The following CPNE4 variants were observed in gnomAD, a reference collection of about 807,000 sequenced individuals.
The protein encoded by CPNE4 is copine-4.
A neutral mutation model predicts 67.9 loss-of-function variants in CPNE4; 25 were observed. The observed-to-expected ratio is 0.37, with a 90% CI of 0.27 to 0.51. The LOEUF (loss-of-function observed/expected upper bound fraction) is 0.51, where lower values mean the gene tolerates loss of function less well. Ranked by LOEUF, CPNE4 falls within the 20% of genes least tolerant of loss-of-function variation. The probability of loss-of-function intolerance (pLI) is 0.93; values close to 1 mark genes in which losing one functional copy is unlikely to be tolerated. For missense variants in CPNE4, 464 were observed against 690.8 expected (o/e 0.67, Z 3.68); for synonymous variants, 242 against 244.9 (o/e 0.99, Z 0.11).
At chr3:131,990,880 G>A (rs1375372184) in intron 1 of CPNE4, among the ~76,000 whole-genome samples, 3 of 135,732 alleles carry the variant, frequency 2.2e-5, no homozygotes, top group African/African-American at 7.4e-5. Flanking sequence ...CACGGGGGAA[G>A]TTACTCCCAT....
intron 3 of CPNE4, among the ~76,000 whole-genome samples, chr3:131,715,413 C>T (rs947008876): frequency 2.6e-4 from 40 of 152,160 alleles, no homozygotes; most frequent in Admixed American, 2.1e-3. Context: ...ATAGATGCTA[C>T]TTGATCATTT....
At chr3:131,660,658 T>G (rs921002600) in intron 7 of CPNE4, among the ~76,000 whole-genome samples, 1 of 152,226 alleles carries the variant, frequency 6.6e-6, no homozygotes, top group Non-Finnish European at 1.5e-5. Context: ...CCAATGCCAC[T>G]GACTAGCTCT....
chr3:131,542,856 C>T (rs1410364360), intron 14 of CPNE4, 63 bp from the exon 15 acceptor site: 1 of 1,188,722 alleles, frequency 8.4e-7, no homozygotes, highest in Non-Finnish European at 1.2e-6. Context: ...AAGGACAATA[C>T]AATACCAGTT....
At chr3:131,682,697 G>A (rs2080787165) in intron 6 of CPNE4, among the ~76,000 whole-genome samples, 1 of 151,950 alleles carries the variant, frequency 6.6e-6, no homozygotes, top group Admixed American at 6.5e-5. Flanking sequence ...GGCAAAGTCA[G>A]CCAGGCTATG....
intron 11 of CPNE4, among the ~76,000 whole-genome samples, chr3:131,559,733 G>A (rs1358791425): frequency 1.1e-4 from 17 of 151,894 alleles, no homozygotes; most frequent in Admixed American, 7.2e-4. Flanking sequence ...AATATAAGTC[G>A]ATGAAAAGGA....
chr3:131,730,776 G>C (rs187148576), intron 2 of CPNE4, among the ~76,000 whole-genome samples: 1 of 152,238 alleles, frequency 6.6e-6, no homozygotes, highest in Admixed American at 6.5e-5. Flanking sequence ...AGCCAGGAGA[G>C]GAGCATTAAG....
At chr3:131,702,844 T>A (rs979728208) in intron 3 of CPNE4, among the ~76,000 whole-genome samples, 4 of 152,246 alleles carry the variant, frequency 2.6e-5, no homozygotes, top group Admixed American at 1.3e-4. Flanking sequence ...TGCCAGCTTT[T>A]GCCTTTTGCA....
chr3:131,627,410 C>T (rs1482970293), intron 7 of CPNE4, among the ~76,000 whole-genome samples: 1 of 152,060 alleles, frequency 6.6e-6, no homozygotes, highest in African/African-American at 2.4e-5. Flanking sequence ...CACCTAGTCA[C>T]CCAAAAGCTC....
chr3:131,682,575 T>C (rs2080785121), intron 6 of CPNE4, among the ~76,000 whole-genome samples: 1 of 152,136 alleles, frequency 6.6e-6, no homozygotes, highest in Non-Finnish European at 1.5e-5. Context: ...TGGACTGCAC[T>C]GGGTCAGATG....
intron 1 of CPNE4, among the ~76,000 whole-genome samples, chr3:132,032,569 A>C (rs1292326661): frequency 6.6e-6 from 1 of 152,214 alleles, no homozygotes; most frequent in Non-Finnish European, 1.5e-5. Context: ...AGTTGAGAAA[A>C]TGTTGGCCTT....
intron 1 of CPNE4, among the ~76,000 whole-genome samples, chr3:132,022,225 T>G (rs1292862393): frequency 6.6e-6 from 1 of 152,184 alleles, no homozygotes; most frequent in Non-Finnish European, 1.5e-5. Flanking sequence ...CCCACCTATC[T>G]TCCCTGTTTG....
At chr3:131,806,422 C>A (rs987656993) in intron 2 of CPNE4, among the ~76,000 whole-genome samples, 1 of 150,898 alleles carries the variant, frequency 6.6e-6, no homozygotes, top group Non-Finnish European at 1.5e-5. Context: ...TAGTGGCGGG[C>A]GCCTGTAATC....
chr3:131,601,959 A>G (rs1335893706), intron 7 of CPNE4, among the ~76,000 whole-genome samples: 3 of 152,118 alleles, frequency 2.0e-5, no homozygotes, highest in Admixed American at 6.6e-5. Flanking sequence ...TCTGGGTCTC[A>G]GTCCTCATCT....
intron 1 of CPNE4, among the ~76,000 whole-genome samples, chr3:132,009,868 A>G (rs1231218840): frequency 2.0e-5 from 3 of 152,212 alleles, no homozygotes; most frequent in African/African-American, 7.2e-5. Flanking sequence ...GGACCAAGTA[A>G]GTAAAGGTCA....
chr3:131,641,118 A>G (rs1334363041), intron 7 of CPNE4, among the ~76,000 whole-genome samples: 1 of 152,182 alleles, frequency 6.6e-6, no homozygotes, highest in Non-Finnish European at 1.5e-5. Flanking sequence ...CAAAGACTTC[A>G]TGACCAAGAA....
At chr3:131,792,972 C>T (rs2083818901) in intron 2 of CPNE4, among the ~76,000 whole-genome samples, 1 of 148,784 alleles carries the variant, frequency 6.7e-6, no homozygotes, top group Non-Finnish European at 1.5e-5. Context: ...TTTCCACTCC[C>T]TTCTCCCATG....
At chr3:131,926,843 G>A (rs1218339037) in intron 1 of CPNE4, among the ~76,000 whole-genome samples, 1 of 152,128 alleles carries the variant, frequency 6.6e-6, no homozygotes, top group Non-Finnish European at 1.5e-5. Context: ...AGGATGGGTT[G>A]TAGTTTTAAA....
At chr3:131,761,758 T>G (rs565339752) in intron 2 of CPNE4, among the ~76,000 whole-genome samples, 9 of 152,252 alleles carry the variant, frequency 5.9e-5, no homozygotes, top group African/African-American at 2.2e-4. Context: ...AGTGATGTCT[T>G]GGGTTAACTC....
intron 8 of CPNE4, among the ~76,000 whole-genome samples, chr3:131,584,366 C>A (rs1938040140): frequency 6.6e-6 from 1 of 152,174 alleles, no homozygotes; most frequent in Non-Finnish European, 1.5e-5. Flanking sequence ...CTCGCTACCA[C>A]AATTCTTCCT....
Sources: gnomAD v4.1 joint callset for allele counts (sites outside exome capture counted in the v4.1 genomes callset) on GRCh38, gnomAD v4.1.1 for gene constraint, MANE v1.5 for transcripts, NCBI Gene and HGNC (gene_info 2026-07-23, HGNC 2026-07-21) for gene names.